Variants in TRAK1 observed in about 807,000 individuals in gnomAD.
The protein encoded by TRAK1 is trafficking kinesin protein 1.
A neutral mutation model predicts 92.1 loss-of-function variants in TRAK1; 33 were observed. That is an observed-to-expected ratio of 0.36 (90% CI 0.27 to 0.48). The LOEUF is 0.48. TRAK1 is among the 20% of genes least tolerant of loss of function. TRAK1 has a pLI of 0.99. For synonymous variants in TRAK1, 521 were observed against 517.3 expected, an observed-to-expected ratio of 1.01 and a Z score of -0.10; for missense variants, 1,123 against 1,257.9, an observed-to-expected ratio of 0.89 and a Z score of 1.62.
intron 1 of TRAK1, among the ~76,000 whole-genome samples, chr3:42,062,905 A>G (rs911805993): frequency 6.6e-6 from 1 of 152,150 alleles, no homozygotes; most frequent in Non-Finnish European, 1.5e-5. Context: ...TGTGCACTGC[A>G]CTTTCACCTG....
chr3:42,037,237 T>TA (rs1213967472), intron 1 of TRAK1, among the ~76,000 whole-genome samples: 1 of 152,248 alleles, frequency 6.6e-6, no homozygotes, highest in Non-Finnish European at 1.5e-5. Flanking sequence ...AGGATTCAAG[T>TA]AACTGATTAG....
intron 1 of TRAK1, among the ~76,000 whole-genome samples, chr3:42,063,946 C>A (rs372886445): frequency 3.2e-4 from 48 of 152,292 alleles, no homozygotes; most frequent in African/African-American, 9.6e-4. Context: ...TAATTTCTGT[C>A]TCATACTTTG....
chr3:42,063,683 C>T (rs1157030365), intron 1 of TRAK1, among the ~76,000 whole-genome samples: 1 of 140,358 alleles, frequency 7.1e-6, no homozygotes, highest in Non-Finnish European at 1.6e-5. Flanking sequence ...GAGACTCTGT[C>T]TCCAAAAAAA....
intron 9 of TRAK1, 62 bp downstream of exon 9, chr3:42,193,960 C>G: frequency 6.8e-7 from 1 of 1,479,372 alleles, no homozygotes; most frequent in Admixed American, 1.9e-5. Flanking sequence ...ATTAGCCTTC[C>G]CGGACAGCTT....
intron 1 of TRAK1, among the ~76,000 whole-genome samples, chr3:42,049,382 G>T (rs2148911803): frequency 6.6e-6 from 1 of 151,552 alleles, no homozygotes; most frequent in East Asian, 1.9e-4. Context: ...GTACTGGGTG[G>T]TACTTTTAAA....
intron 1 of TRAK1, among the ~76,000 whole-genome samples, chr3:42,054,834 A>G (rs1357618136): frequency 6.6e-6 from 1 of 150,494 alleles, no homozygotes; most frequent in Admixed American, 6.6e-5. Context: ...TGTTAATAAT[A>G]CAGCTGTGTA....
At chr3:42,047,064 A>G (rs1702778507) in intron 1 of TRAK1, among the ~76,000 whole-genome samples, 1 of 152,194 alleles carries the variant, frequency 6.6e-6, no homozygotes, top group South Asian at 2.1e-4. Context: ...TCTTTAAGTT[A>G]AACATGGCCA....
At chr3:42,106,111 C>T (rs867763511) in intron 1 of TRAK1, among the ~76,000 whole-genome samples, 1 of 152,178 alleles carries the variant, frequency 6.6e-6, no homozygotes, top group African/African-American at 2.4e-5. Flanking sequence ...ACTGCATCAA[C>T]TAACGAGCAA....
intron 1 of TRAK1, among the ~76,000 whole-genome samples, chr3:42,035,179 T>A (rs1702282483): frequency 6.6e-6 from 1 of 152,210 alleles, no homozygotes. Context: ...TGGTCTATAA[T>A]ACCCTCATTC....
chr3:42,177,733 T>G (rs1668671791), intron 3 of TRAK1, among the ~76,000 whole-genome samples: 1 of 151,822 alleles, frequency 6.6e-6, no homozygotes, highest in Non-Finnish European at 1.5e-5. Context: ...TTCCCAGAGG[T>G]TTTTCTGGAG....
rs775860895 is a variant in TRAK1, at chr3:42,210,004, G to T, written c.1963+19G>T. On this transcript the variant is annotated intron_variant, in intron 14 of 15. Coordinates refer to ENST00000327628, the MANE Select transcript of TRAK1 (RefSeq NM_001042646.3). Reference sequence around the variant, plus strand: ...ACCTCAGGTGAGAGGTCCCAAGCACGTGTGACTGTCTCAGGCAGCAGAAGT... The same window carrying T: ...ACCTCAGGTGAGAGGTCCCAAGCACTTGTGACTGTCTCAGGCAGCAGAAGT... The T allele has an allele frequency of 3.1e-6, 5 of 1,614,052 alleles. 1 individual carries two copies. Among genetic ancestry groups the T allele is most frequent in the Middle Eastern group, 1.6e-4 (1 of 6,084 alleles).
intron 1 of TRAK1, among the ~76,000 whole-genome samples, chr3:42,023,082 C>T (rs540477572): frequency 5.9e-5 from 8 of 135,058 alleles, no homozygotes; most frequent in African/African-American, 1.4e-4. Flanking sequence ...GGCGTGAACA[C>T]GGGAGGCAGA....
At chr3:42,128,449 C>G (rs1307392660) in intron 2 of TRAK1, among the ~76,000 whole-genome samples, 2 of 152,176 alleles carry the variant, frequency 1.3e-5, no homozygotes, top group African/African-American at 2.4e-5. Context: ...ATAGCTATTT[C>G]CTAAATATCT....
rs1229565324 is a variant in TRAK1, at chr3:42,224,129, C to G, written c.*392C>G. 4.3e-6 allele frequency: 2 copies of G among 461,606 alleles called. No homozygotes were observed. The highest frequency in any genetic ancestry group is 4.0e-5 in the African/African-American group (2 of 50,312). The allele number at this position is 461,606 out of a possible 1,614,324, so 28.6% of individuals were successfully genotyped here. A position where few individuals can be genotyped will look rare whatever the true frequency, so the allele number is the denominator to read the frequency against. ...ACCAGTGAATTCCGTGGCTGGCACACCACGAGCTGTCACGCGGCACGGGTC... is the reference window on the plus strand; with the variant it reads ...ACCAGTGAATTCCGTGGCTGGCACAGCACGAGCTGTCACGCGGCACGGGTC... On this transcript the variant is annotated 3_prime_UTR_variant, in exon 16 of 16. Transcript: ENST00000327628.
At chr3:42,038,826 T>G in intron 1 of TRAK1, among the ~76,000 whole-genome samples, 1 of 131,114 alleles carries the variant, frequency 7.6e-6, no homozygotes, top group African/African-American at 3.3e-5. Context: ...TTTTTTTTGG[T>G]AGAGACAGTC....
chr3:42,162,367 A>G (rs1050590655), intron 2 of TRAK1, among the ~76,000 whole-genome samples: 4 of 152,068 alleles, frequency 2.6e-5, no homozygotes, highest in Admixed American at 2.6e-4. Context: ...TATTTTGTCA[A>G]CTAAGTGAAA....
At chr3:42,159,528 CAAGCT>C (rs1320539099) in intron 2 of TRAK1, among the ~76,000 whole-genome samples, 1 of 152,180 alleles carries the variant, frequency 6.6e-6, no homozygotes, top group Non-Finnish European at 1.5e-5. Flanking sequence ...GGCAACTTTG[CAAGCT>C]ATTAGGCTTT....
intron 1 of TRAK1, among the ~76,000 whole-genome samples, chr3:42,053,381 G>A (rs1478039236): frequency 7.0e-6 from 1 of 143,782 alleles, no homozygotes; most frequent in Non-Finnish European, 1.5e-5. Context: ...CGGGTGGGGG[G>A]GGGGGGCGGG....
rs1703165427 is a variant in TRAK1, at chr3:42,055,486, G to T, written c.-518-31618G>T. On this transcript the variant is annotated intron_variant, in intron 1 of 16. Transcript: ENST00000487159. ...CAGCAAATCTTATTTGTTGAGACAGGTTCTCTTGCTCTGTTGCCCAAGCTG... is the reference window on the plus strand; with the variant it reads ...CAGCAAATCTTATTTGTTGAGACAGTTTCTCTTGCTCTGTTGCCCAAGCTG... Among the ~76,000 whole-genome samples the T allele has an allele frequency of 3.3e-5, 5 of 152,286 alleles. No individual in the cohort carries two copies. In the South Asian group the frequency reaches 1.0e-3, roughly 32 times the overall value.
Sources: gnomAD v4.1 joint callset for allele counts (sites outside exome capture counted in the v4.1 genomes callset) on GRCh38, gnomAD v4.1.1 for gene constraint, MANE v1.5 for transcripts, NCBI Gene and HGNC (gene_info 2026-07-23, HGNC 2026-07-21) for gene names.